HIPK1: variants seen among roughly 807,000 people sequenced by gnomAD.
The protein encoded by HIPK1 is homeodomain interacting protein kinase 1.
A neutral mutation model predicts 117.1 loss-of-function variants in HIPK1; 28 were observed. The observed-to-expected ratio is 0.24, with a 90% confidence interval of 0.18 to 0.33. The LOEUF (loss-of-function observed/expected upper bound fraction) is 0.33, where lower values mean the gene tolerates loss of function less well. Ranked by LOEUF, HIPK1 falls within the 10% of genes least tolerant of loss-of-function variation. The probability of loss-of-function intolerance (pLI) is 1.00; values close to 1 mark genes in which losing one functional copy is unlikely to be tolerated. For missense variants in HIPK1, 1,122 were observed against 1,475.1 expected (o/e 0.76, Z 3.92); for synonymous variants, 605 against 562.5 (o/e 1.08, Z -1.07).
At chr1:113,946,306 G>A (rs1670990634) in intron 2 of HIPK1, among the ~76,000 whole-genome samples, 1 of 152,110 alleles carries the variant, frequency 6.6e-6, no homozygotes, top group African/African-American at 2.4e-5. Context: ...GAAGGAAGAG[G>A]GCTGATCAGC....
At chr1:113,958,483 T>G (rs1671873994) in intron 8 of HIPK1, among the ~76,000 whole-genome samples, 192 bp downstream of exon 8, 1 of 152,258 alleles carries the variant, frequency 6.6e-6, no homozygotes, top group African/African-American at 2.4e-5. Flanking sequence ...TGATGCTATC[T>G]GATGCATTGT....
Position 113,941,342 on chromosome 1 carries a change from ACAT to A in HIPK1, c.963_965del (p.Ile321del). Reference sequence around the variant, plus strand: ...ATCCACGCTGACCTTAAGCCTGAAAACATCATGCTGGTTGATCCAGTTCGCCAG... The same window carrying A: ...ATCCACGCTGACCTTAAGCCTGAAAACATGCTGGTTGATCCAGTTCGCCAG... On this transcript the variant is annotated inframe_deletion, in exon 2 of 16. Transcript: ENST00000426820. The surrounding 1 kb of genome is among the most constrained non-coding windows in gnomAD (Gnocchi z 4.9). 6.2e-7 allele frequency: 1 copy of A among 1,614,180 alleles called. No homozygotes were observed. Among genetic ancestry groups the A allele is most frequent in the Non-Finnish European group, 8.5e-7 (1 of 1,180,028 alleles).
chr1:113,960,724 T>C (rs1488848559), intron 8 of HIPK1, among the ~76,000 whole-genome samples: 3 of 152,248 alleles, frequency 2.0e-5, no homozygotes, highest in South Asian at 4.1e-4. Flanking sequence ...AATCTTGATA[T>C]ATGAATTTGT....
chr1:113,937,543 A>G (rs1023030313), intron 1 of HIPK1, among the ~76,000 whole-genome samples: 2 of 152,112 alleles, frequency 1.3e-5, no homozygotes, highest in East Asian at 3.9e-4. Context: ...TTTAATAGAT[A>G]TGAGATTGGT....
chr1:113,967,850 T>C lies in HIPK1; in HGVS notation c.2466T>C (p.Ala822=), dbSNP rs779320045. 10 of 1,612,688 alleles carry C rather than the reference T, an allele frequency of 6.2e-6. No individual in the cohort carries two copies. The African/African-American group carries it at 1.3e-4, about 22-fold the overall frequency. The part of the protein sequence containing the change: ...LLTNHVTLAT[A]QPLNVGVAHV... ...CTAACCATGTGACATTGGCCACTGCTCAGCCTCTGAATGTTGGTGTTGCCC... is the reference window on the plus strand; with the variant it reads ...CTAACCATGTGACATTGGCCACTGCCCAGCCTCTGAATGTTGGTGTTGCCC... The change falls in exon 12 of 16, where the codon GCT becomes GCC. Residue 822 remains alanine (A), a synonymous_variant. Coordinates refer to ENST00000426820, the MANE Select transcript of HIPK1 (RefSeq NM_198268.3).
chr1:113,946,567 GA>G (rs950776635), intron 2 of HIPK1, among the ~76,000 whole-genome samples: 20 of 152,164 alleles, frequency 1.3e-4, no homozygotes, highest in African/African-American at 4.6e-4. Flanking sequence ...TTAGGTTGCT[GA>G]TCTTTGTATT....
chr1:113,939,181 G>A (rs1670475225), intron 1 of HIPK1, among the ~76,000 whole-genome samples: 1 of 151,872 alleles, frequency 6.6e-6, no homozygotes, highest in South Asian at 2.1e-4. Context: ...TTGAGACAGG[G>A]TGTCATTCTT....
In HIPK1 at chr1:113,971,997, G is replaced by A. The variant is rs150942801; in HGVS notation, c.3144+43G>A. On this transcript the variant is annotated intron_variant, in intron 15 of 15. Coordinates refer to ENST00000426820, the MANE Select transcript of HIPK1 (RefSeq NM_198268.3). ...CTGCCTTCTGTTTGGGCCCTGCACTGTTGTTACTTTCTGGAGAACCCTGCT... is the reference window on the plus strand; with the variant it reads ...CTGCCTTCTGTTTGGGCCCTGCACTATTGTTACTTTCTGGAGAACCCTGCT... 9.1e-4 allele frequency: 1,465 copies of A among 1,612,948 alleles called. 2 individuals carry two copies. Among genetic ancestry groups the A allele is most frequent in the Middle Eastern group, 3.3e-3 (20 of 6,058 alleles).
In HIPK1 at chr1:113,967,948, A is replaced by G. The variant is rs1356160282; in HGVS notation, c.2564A>G (p.Lys855Arg). Residue 855 changes from lysine to arginine, a missense_variant and splice_region_variant, in exon 12 of 16, where the codon AAG (lysine) becomes AGG (arginine). By Grantham distance (26) the Lys-to-Arg change is conservative. This residue lies in a region of HIPK1 where 731 missense variants were observed against 860.4 expected (regional missense o/e 0.85). Transcript: ENST00000426820. ...KNKQSAPVSS[K>R]SSLDVLPSQV... The stretch of plus-strand genomic sequence containing the variant: ...AAGCAGTCAGCTCCAGTCTCTTCCA[A>G]GTGAGTCTGTGTTACAGCTGATAGT... The G allele has an allele frequency of 1.2e-6, 2 of 1,603,032 alleles. No individual in the cohort carries two copies. The highest frequency in any genetic ancestry group is 1.1e-5 in the South Asian group (1 of 88,856).
rs143471830 is a variant in HIPK1 at position 113,940,740 on chromosome 1, A to G, written c.357A>G (p.Gln119=). Residue 119 remains glutamine, a synonymous_variant, in exon 2 of 16, where the codon CAA becomes CAG. Transcript: ENST00000426820. ...ACGTTTCTTTGCTTGAGCCATATCAAAAATGTGGATTGAAACGAAAAAGTG... is the reference window on the plus strand; with the variant it reads ...ACGTTTCTTTGCTTGAGCCATATCAGAAATGTGGATTGAAACGAAAAAGTG... The part of the protein sequence containing the change: ...RSNVSLLEPY[Q]KCGLKRKSEE... The G allele has an allele frequency of 2.5e-6, 4 of 1,614,060 alleles. No individual in the cohort carries two copies. In the African/African-American group the frequency reaches 5.3e-5, roughly 22 times the overall value.
intron 1 of HIPK1, among the ~76,000 whole-genome samples, chr1:113,932,571 G>A (rs1040186870): frequency 1.3e-5 from 2 of 151,864 alleles, no homozygotes; most frequent in African/African-American, 2.4e-5. Context: ...TAGAGATAGG[G>A]TTTTGCCATG....
chr1:113,933,583 G>A (rs1205590549), intron 1 of HIPK1, among the ~76,000 whole-genome samples: 2 of 152,016 alleles, frequency 1.3e-5, no homozygotes, highest in Non-Finnish European at 2.9e-5. Flanking sequence ...TAGAAAAGGG[G>A]CTTGAGGCCA....
chr1:113,972,850 A>G (rs1672926981), intron 15 of HIPK1, among the ~76,000 whole-genome samples, 174 bp from the exon 16 acceptor site: 1 of 152,180 alleles, frequency 6.6e-6, no homozygotes, highest in South Asian at 2.1e-4. Context: ...TATCTTGCTA[A>G]GAGGCAGAAG....
At position 113,940,374 on chromosome 1, in the gene HIPK1, C is replaced by T. The variant is rs372249353; in HGVS notation, c.-2-8C>T. 31 of 1,570,670 alleles carry T rather than the reference C, an allele frequency of 2.0e-5. No homozygotes were observed. The highest frequency in any genetic ancestry group is 4.1e-5 in the African/African-American group (3 of 73,324). On this transcript the variant is annotated splice_polypyrimidine_tract_variant and splice_region_variant and intron_variant, in intron 1 of 15. Transcript: ENST00000426820. ...TTGTGGTCTAATTCTTCCTTTCTCT[C>T]AATATAGGTATGGCATCACAGCTGC...
At position 113,971,879 on chromosome 1, in the gene HIPK1, A is replaced by T; in HGVS notation, c.3069A>T (p.Gly1023=). 1 of 1,602,586 alleles carries T rather than the reference A, an allele frequency of 6.2e-7. No homozygotes were observed. The highest frequency in any genetic ancestry group is 8.5e-7 in the Non-Finnish European group (1 of 1,176,286). ...PVASVSGQSS[G]CCITPTGYRA... ...CTTCAGTGAGTGGGCAGTCATCTGG[A>T]TGCTGTATCACCCCCACAGGGTATC... The change falls in exon 15 of 16, where the codon GGA becomes GGT. Residue 1023 remains glycine (G), a synonymous_variant. Coordinates refer to ENST00000426820, the MANE Select transcript of HIPK1 (RefSeq NM_198268.3).
intron 1 of HIPK1, among the ~76,000 whole-genome samples, chr1:113,938,953 C>CACACACACAG: frequency 7.4e-6 from 1 of 134,766 alleles, no homozygotes; most frequent in African/African-American, 2.8e-5. Context: ...CACACACACA[C>CACACACACAG]ACACACACAC....
chr1:113,947,463 T>C (rs1169038882), intron 2 of HIPK1, among the ~76,000 whole-genome samples: 5 of 152,226 alleles, frequency 3.3e-5, no homozygotes, highest in African/African-American at 4.8e-5. Context: ...CAAAATATAG[T>C]TTCACCTAAG....
chr1:113,935,523 T>C (rs1490275090), intron 1 of HIPK1, among the ~76,000 whole-genome samples: 3 of 152,250 alleles, frequency 2.0e-5, no homozygotes, highest in Non-Finnish European at 4.4e-5. Flanking sequence ...TGATTTATAT[T>C]CCTTTGGGTA....
chr1:113,968,758 C>G (rs1034082381), intron 13 of HIPK1, 110 bp downstream of exon 13: 7 of 822,912 alleles, frequency 8.5e-6, no homozygotes, highest in African/African-American at 1.7e-5. Flanking sequence ...TGGTGGCTCA[C>G]GCCTGTAATC....
Sources: gnomAD v4.1 joint callset for allele counts (sites outside exome capture counted in the v4.1 genomes callset) on GRCh38, gnomAD v4.1.1 for gene constraint, gnomAD v4.1.1 regional missense constraint, Gnocchi (gnomAD v3.1) non-coding constraint, MANE v1.5 for transcripts, NCBI Gene and HGNC (gene_info 2026-07-23, HGNC 2026-07-21) for gene names.